The following LAMB1 variants were observed in gnomAD, a reference collection of about 807,000 sequenced individuals.
The protein encoded by LAMB1 is laminin subunit beta-1.
In LAMB1, 121 loss-of-function variants were observed where a neutral mutation model predicts 222.3. The observed-to-expected ratio is 0.54, with a 90% confidence interval of 0.47 to 0.63. The LOEUF (loss-of-function observed/expected upper bound fraction) is 0.63, where lower values mean the gene tolerates loss of function less well. LAMB1 is among the 30% of genes least tolerant of loss of function. The pLI is 0.00. For synonymous variants in LAMB1, 794 were observed against 807.2 expected (o/e 0.98, Z 0.28); for missense variants, 2,172 against 2,240.8 (o/e 0.97, Z 0.62).
chr7:107,956,894 G>C (rs913590304), intron 20 of LAMB1, among the ~76,000 whole-genome samples: 3 of 152,170 alleles, frequency 2.0e-5, no homozygotes, highest in Non-Finnish European at 4.4e-5. Context: ...GGAGGTCAAA[G>C]GATTCTCAAA....
chr7:107,969,510 C>T (rs980706944), intron 13 of LAMB1, among the ~76,000 whole-genome samples: 17 of 152,186 alleles, frequency 1.1e-4, no homozygotes, highest in Admixed American at 9.2e-4. Flanking sequence ...TCCCCACCCC[C>T]AACTAGGACA....
chr7:107,981,937 G>T lies in LAMB1; in HGVS notation c.677-1126C>A, dbSNP rs558321839. ...ATTTCAAGTTTTTAAGCAACATTTT[G>T]GTCCACAACTTTTTTGTCCCAGTTT... On this transcript the variant is annotated intron_variant, in intron 7 of 33. Coordinates refer to ENST00000222399, the MANE Select transcript of LAMB1 (RefSeq NM_002291.3). Among the ~76,000 whole-genome samples, 82 of 152,204 alleles carry T rather than the reference G, an allele frequency of 5.4e-4. 1 individual carries two copies. The South Asian group carries it at 0.017, about 32-fold the overall frequency.
At chr7:107,933,270 C>CA (rs1468790915) in intron 27 of LAMB1, among the ~76,000 whole-genome samples, 1 of 152,058 alleles carries the variant, frequency 6.6e-6, no homozygotes, top group South Asian at 2.1e-4. Flanking sequence ...GAAAAGAAGA[C>CA]AAAGATTTAC....
At chr7:107,925,261 C>CA (rs1193890118) in intron 32 of LAMB1, among the ~76,000 whole-genome samples, 2 of 152,138 alleles carry the variant, frequency 1.3e-5, no homozygotes, top group Non-Finnish European at 2.9e-5. Flanking sequence ...CAGGTGCCCC[C>CA]AGGCCTACGG....
chr7:107,955,419 G>T, intron 21 of LAMB1, 48 bp downstream of exon 21: 2 of 1,530,838 alleles, frequency 1.3e-6, no homozygotes, highest in Non-Finnish European at 1.8e-6. Context: ...AACTCATAAA[G>T]ACATCTTTTT....
intron 2 of LAMB1, chr7:108,001,972 C>G (rs2034396664): frequency 1.4e-6 from 2 of 1,447,306 alleles, no homozygotes; most frequent in African/African-American, 2.9e-5. Context: ...TGTCCAGCAG[C>G]GAGAGCCTCC....
chr7:107,977,192 T>TC (rs138119240), intron 9 of LAMB1, among the ~76,000 whole-genome samples: 4 of 112,600 alleles, frequency 3.6e-5, no homozygotes, highest in Admixed American at 9.0e-5. Flanking sequence ...CCTTGACCAC[T>TC]CCAGCTCTCA....
At chr7:108,001,455 C>G in intron 3 of LAMB1, 103 bp downstream of exon 3, 3 of 1,312,842 alleles carry the variant, frequency 2.3e-6, no homozygotes, top group Non-Finnish European at 3.1e-6. Flanking sequence ...GCTGCGCTTC[C>G]TATCTGGATT....
At chr7:107,973,238 G>A (rs1450390810) in intron 12 of LAMB1, among the ~76,000 whole-genome samples, 167 bp from the exon 13 acceptor site, 2 of 152,182 alleles carry the variant, frequency 1.3e-5, no homozygotes, top group African/African-American at 4.8e-5. Context: ...CAAGAAACCT[G>A]AGCTGTAGGC....
chr7:107,923,940 A>T lies in LAMB1; in HGVS notation c.*11T>A. On this transcript the variant is annotated 3_prime_UTR_variant, in exon 34 of 34. Coordinates refer to ENST00000222399, the MANE Select transcript of LAMB1 (RefSeq NM_002291.3). ...ACCTTGTTCACCTCAGCCATTTTTT[A>T]TTCTCCTCTGTTACAAGCATGTGCT... is the stretch of plus-strand genomic sequence containing the variant. 5 of 1,598,826 alleles carry T rather than the reference A, an allele frequency of 3.1e-6. No individual in the cohort carries two copies. Among genetic ancestry groups the T allele is most frequent in the African/African-American group, 1.4e-5 (1 of 73,714 alleles).
intron 25 of LAMB1, among the ~76,000 whole-genome samples, chr7:107,938,855 G>C (rs1384925475): frequency 6.6e-6 from 1 of 152,152 alleles, no homozygotes; most frequent in Non-Finnish European, 1.5e-5. Flanking sequence ...AAAACCCAAG[G>C]CTTGACATCA....
rs1469775344 is a variant in LAMB1, at chr7:107,937,170, G to C, written c.3869C>G (p.Thr1290Arg). ...AGTGTTGTCTAGGCTTTCGGCTTCT[G>C]TCTGTAGAGAATCCAGTTCTTTGGC... ...STAKELDSLQ[T>R]EAESLDNTVK... Residue 1290 changes from threonine to arginine, a missense_variant, in exon 26 of 34, where the codon ACA becomes AGA. Transcript: ENST00000222399. 1.2e-6 allele frequency: 2 copies of C among 1,613,890 alleles called. No homozygotes were observed. Among genetic ancestry groups the C allele is most frequent in the Middle Eastern group, 1.6e-4 (1 of 6,084 alleles).
chr7:107,929,989 G>A (rs2032666340), intron 29 of LAMB1: 1 of 240,980 alleles, frequency 4.1e-6, no homozygotes, highest in Non-Finnish European at 8.1e-6. Context: ...ATAGCAGAGT[G>A]AATCTGAACA....
At chr7:107,930,013 T>C (rs936227117) in intron 29 of LAMB1, 3 of 206,530 alleles carry the variant, frequency 1.5e-5, no homozygotes, top group African/African-American at 4.7e-5. Context: ...TGGAAAACCA[T>C]AGAGGGCCAG....
chr7:107,966,528 G>A (rs1486113725), intron 13 of LAMB1, among the ~76,000 whole-genome samples: 2 of 151,990 alleles, frequency 1.3e-5, no homozygotes, highest in East Asian at 1.9e-4. Context: ...AATTCTTAAC[G>A]TCCCATAGCC....
At chr7:107,935,360 T>A (rs537372267) in intron 27 of LAMB1, 55 bp downstream of exon 27, 4 of 473,814 alleles carry the variant, frequency 8.4e-6, no homozygotes, top group Non-Finnish European at 1.2e-5. Context: ...TTTTTTTTTT[T>A]TTTTTTTTTT....
intron 24 of LAMB1, among the ~76,000 whole-genome samples, chr7:107,943,944 C>T (rs1554404463): frequency 6.6e-6 from 1 of 152,148 alleles, no homozygotes; most frequent in Non-Finnish European, 1.5e-5. Flanking sequence ...TCAGGACTTA[C>T]GTAACAGAGG....
chr7:107,960,510 G>A lies in LAMB1; in HGVS notation c.2249C>T (p.Pro750Leu), dbSNP rs760178659. 1.9e-5 allele frequency: 31 copies of A among 1,614,050 alleles called. 1 individual carries two copies. The highest frequency in any genetic ancestry group is 3.3e-4 in the Middle Eastern group (2 of 6,084). ...LENSRSVVKT[P>L]MTDVCRNIIF... ...GATGTTTCTGCAAACATCTGTCATCGGTGTTTTCACAACGCTTCTGCTGTT... is the reference window on the plus strand; with the variant it reads ...GATGTTTCTGCAAACATCTGTCATCAGTGTTTTCACAACGCTTCTGCTGTT... The change falls in exon 18 of 34, where the codon CCG becomes CTG. Residue 750 changes from proline (P) to leucine (L), a missense_variant. Physicochemically the swap from Pro to Leu is moderately conservative, Grantham distance 98. Coordinates refer to ENST00000222399, the MANE Select transcript of LAMB1 (RefSeq NM_002291.3).
In LAMB1 at chr7:107,937,077, A is replaced by G. The variant is rs777888220; in HGVS notation, c.3946+16T>C. On this transcript the variant is annotated intron_variant, in intron 26 of 33. Coordinates refer to ENST00000222399, the MANE Select transcript of LAMB1 (RefSeq NM_002291.3). ...AAATCCATTGTCTGGGACTATTTGC[A>G]CCAAAAAATGCTCACCCCGAATATC... The G allele has an allele frequency of 4.4e-6, 7 of 1,607,370 alleles. No individual in the cohort carries two copies. The highest frequency in any genetic ancestry group is 1.7e-4 in the Middle Eastern group (1 of 6,050).
Sources: allele counts gnomAD v4.1 joint callset (sites outside exome capture counted in the v4.1 genomes callset), GRCh38; gene constraint gnomAD v4.1.1; transcripts MANE v1.5; gene names NCBI Gene and HGNC (gene_info 2026-07-23, HGNC 2026-07-21).